TBC1D12: variants seen among roughly 807,000 people sequenced by gnomAD.
The protein encoded by TBC1D12 is TBC1 domain family, member 12.
TBC1D12 carries 56 observed loss-of-function variants against 86.7 expected under a neutral mutation model. The ratio of observed to expected loss-of-function variants is 0.65; its 90% CI spans 0.52 to 0.81. TBC1D12 has a LOEUF of 0.81. TBC1D12 is among the 30% of genes least tolerant of loss of function. TBC1D12 has a pLI of 0.00. For synonymous variants in TBC1D12, 421 were observed against 411.7 expected (o/e 1.02, Z -0.27); for missense variants, 1,023 against 1,038.8 (o/e 0.98, Z 0.21).
At chr10:94,493,344 T>C in intron 3 of TBC1D12, 21 bp from the exon 4 acceptor site, 1 of 1,586,762 alleles carries the variant, frequency 6.3e-7, no homozygotes, top group South Asian at 1.1e-5. Flanking sequence ...TTGTCTTGAC[T>C]TAAGTAATTT....
At chr10:94,493,955 G>A (rs1219255230) in intron 4 of TBC1D12, among the ~76,000 whole-genome samples, 1 of 151,640 alleles carries the variant, frequency 6.6e-6, no homozygotes, top group African/African-American at 2.4e-5. Flanking sequence ...ATCTATTAAT[G>A]AATTTCACTT....
intron 9 of TBC1D12, among the ~76,000 whole-genome samples, chr10:94,514,908 T>C (rs1420472557): frequency 2.9e-4 from 37 of 125,560 alleles, no homozygotes; most frequent in African/African-American, 1.3e-3. Flanking sequence ...TTTTTTTTTC[T>C]TTTTTTTTTT....
intron 3 of TBC1D12, among the ~76,000 whole-genome samples, chr10:94,484,729 A>G (rs964411648): frequency 1.3e-4 from 20 of 152,236 alleles, no homozygotes; most frequent in Non-Finnish European, 2.9e-5. Context: ...CAATCCATGA[A>G]CATGGAATAT....
At chr10:94,405,490 T>C (rs1428023374) in intron 1 of TBC1D12, among the ~76,000 whole-genome samples, 3 of 152,198 alleles carry the variant, frequency 2.0e-5, no homozygotes, top group Admixed American at 6.5e-5. Flanking sequence ...TGCAAAAATA[T>C]ATTTAAAGCT....
chr10:94,441,220 T>G (rs1290697682), intron 1 of TBC1D12, among the ~76,000 whole-genome samples: 5 of 151,900 alleles, frequency 3.3e-5, no homozygotes, highest in Non-Finnish European at 7.4e-5. Context: ...TTGACTCTTT[T>G]GTAGTAAGCT....
intron 2 of TBC1D12, among the ~76,000 whole-genome samples, chr10:94,456,543 A>G (rs1288209374): frequency 6.6e-6 from 1 of 152,114 alleles, no homozygotes; most frequent in East Asian, 1.9e-4. Flanking sequence ...ACATTTTATG[A>G]TTTCTGTTAT....
chr10:94,413,036 T>C (rs2054947240), intron 1 of TBC1D12, among the ~76,000 whole-genome samples: 1 of 152,188 alleles, frequency 6.6e-6, no homozygotes, highest in Non-Finnish European at 1.5e-5. Flanking sequence ...ACCACTGAAA[T>C]ACTGGGCTGG....
chr10:94,469,577 G>A (rs970785986), intron 2 of TBC1D12, among the ~76,000 whole-genome samples: 3 of 149,382 alleles, frequency 2.0e-5, no homozygotes, highest in African/African-American at 7.4e-5. Flanking sequence ...AACCTCCCAA[G>A]TACCTGGGAC....
At chr10:94,503,401 A>G (rs1202446905) in intron 6 of TBC1D12, among the ~76,000 whole-genome samples, 1 of 152,178 alleles carries the variant, frequency 6.6e-6, no homozygotes, top group Admixed American at 6.5e-5. Context: ...CTAAGAATTT[A>G]CTCTGAGGAA....
chr10:94,403,666 G>GCCGGA, intron 1 of TBC1D12, 82 bp downstream of exon 1: 1 of 1,386,290 alleles, frequency 7.2e-7, no homozygotes, highest in Non-Finnish European at 9.3e-7. Flanking sequence ...CGGAGCCGGA[G>GCCGGA]CCGGAGCCGG....
At chr10:94,523,222 A>G (rs975212555) in intron 11 of TBC1D12, among the ~76,000 whole-genome samples, 8 of 143,424 alleles carry the variant, frequency 5.6e-5, no homozygotes, top group Admixed American at 2.1e-4. Flanking sequence ...AAAAAAGAGC[A>G]TAGACTCTGG....
intron 4 of TBC1D12, among the ~76,000 whole-genome samples, chr10:94,493,784 ATTT>A (rs2056278237): frequency 6.6e-6 from 1 of 151,996 alleles, no homozygotes; most frequent in South Asian, 2.1e-4. Flanking sequence ...TTTCTCTACT[ATTT>A]TTATAATTAA....
Position 94,402,657 on chromosome 10 carries a change from C to T in TBC1D12, c.44C>T (p.Pro15Leu), listed in dbSNP as rs775846888. The change falls in exon 1 of 13, where the codon CCC (proline) becomes CTC (leucine). Residue 15 changes from proline (P) to leucine (L), a missense_variant. Pro to Leu is a moderately conservative substitution (Grantham distance 98, BLOSUM62 -3). Transcript: ENST00000225235. ...GCCGGAGCCTGCTCGGGAAGAAACC[C>T]CAAGTTGCTCCCGGTGCCTGCGCCG... The part of the protein sequence containing the change: ...EDAGACSGRN[P>L]KLLPVPAPDP... 2 of 1,611,108 alleles carry T rather than the reference C, an allele frequency of 1.2e-6. No individual in the cohort carries two copies. The highest frequency in any genetic ancestry group is 1.7e-5 in the Admixed American group (1 of 59,920).
chr10:94,509,763 T>A (rs572484657), intron 7 of TBC1D12: 1 of 260,050 alleles, frequency 3.8e-6, no homozygotes, highest in South Asian at 4.4e-5. Flanking sequence ...GATCTCTCTG[T>A]GTCCATAGCT....
intron 1 of TBC1D12, among the ~76,000 whole-genome samples, chr10:94,415,186 G>A (rs1302895967): frequency 6.6e-6 from 1 of 152,160 alleles, no homozygotes; most frequent in African/African-American, 2.4e-5. Flanking sequence ...AAGTTCTAAA[G>A]TAAGTTATTG....
rs748367289 is a variant in TBC1D12 at position 94,522,006 on chromosome 10, G to A, written c.1813G>A (p.Ala605Thr). 2 of 1,612,486 alleles carry A rather than the reference G, an allele frequency of 1.2e-6. No homozygotes were observed. The highest frequency in any genetic ancestry group is 1.7e-6 in the Non-Finnish European group (2 of 1,178,946). The change falls in exon 10 of 13, where the codon GCA becomes ACA. Residue 605 changes from alanine to threonine, a missense_variant. Physicochemically the swap from Ala to Thr is moderately conservative, Grantham distance 58. This residue lies in a region of TBC1D12 where 395 missense variants were observed against 507.7 expected (regional missense o/e 0.78). Coordinates refer to ENST00000225235, the MANE Select transcript of TBC1D12 (RefSeq NM_015188.2). ...AGTACTCATTCTCAATTTGGAAGAG[G>A]CAGATGCCTTTATCGCATTTGCCAA... is the stretch of plus-strand genomic sequence containing the variant. Reference protein sequence around the residue: ...AAVLILNLEEADAFIAFANLL... With the variant: ...AAVLILNLEETDAFIAFANLL...
At chr10:94,479,978 C>T (rs533841811) in intron 3 of TBC1D12, among the ~76,000 whole-genome samples, 8 of 152,096 alleles carry the variant, frequency 5.3e-5, no homozygotes, top group Non-Finnish European at 1.2e-4. Context: ...TTATGCTAAC[C>T]GCAGAACGGG....
At chr10:94,465,944 G>T (rs545832020) in intron 2 of TBC1D12, among the ~76,000 whole-genome samples, 1 of 149,478 alleles carries the variant, frequency 6.7e-6, no homozygotes, top group Non-Finnish European at 1.5e-5. Context: ...ATGTATATAC[G>T]CGTATGTATG....
rs781071373 is a variant in TBC1D12 at position 94,531,410 on chromosome 10, A to G, written c.2209A>G (p.Ser737Gly). 11 of 1,614,012 alleles carry G rather than the reference A, an allele frequency of 6.8e-6. No individual in the cohort carries two copies. Among genetic ancestry groups the G allele is most frequent in the East Asian group, 4.5e-5 (2 of 44,874 alleles). Reference sequence around the variant, plus strand: ...AGATATCACATCGGAAAAGCTGTTCAGTTGTATTGCAGCCATTCAGATGCA... The same window carrying G: ...AGATATCACATCGGAAAAGCTGTTCGGTTGTATTGCAGCCATTCAGATGCA... ...PEDITSEKLF[S>G]CIAAIQMQNS... The change falls in exon 12 of 13, where the codon AGT becomes GGT. Residue 737 changes from serine to glycine, a missense_variant. Ser to Gly is a moderately conservative substitution (Grantham distance 56, BLOSUM62 0). Around this residue, in one of 2 missense-constraint regions of TBC1D12, gnomAD observed 395 missense variants for 507.7 expected, o/e 0.78. Coordinates refer to ENST00000225235, the MANE Select transcript of TBC1D12 (RefSeq NM_015188.2).
Sources: allele counts gnomAD v4.1 joint callset (sites outside exome capture counted in the v4.1 genomes callset), GRCh38; gene constraint gnomAD v4.1.1; regional missense constraint gnomAD v4.1.1; transcripts MANE v1.5; gene names NCBI Gene and HGNC (gene_info 2026-07-23, HGNC 2026-07-21).